SLC3A2: variants seen among roughly 807,000 people sequenced by gnomAD.
The protein encoded by SLC3A2 is solute carrier family 3 member 2, also known as amino acid transporter heavy chain SLC3A2.
In SLC3A2, 32 loss-of-function variants were observed where a neutral mutation model predicts 48.5. The observed-to-expected ratio is 0.66, with a 90% confidence interval of 0.50 to 0.89. The LOEUF is 0.89. Among genes scored for constraint, SLC3A2 ranks in the 40% least tolerant of loss-of-function variants. The pLI is 0.00. For missense variants in SLC3A2, 587 were observed against 680.7 expected, an observed-to-expected ratio of 0.86 and a Z score of 1.53; for synonymous variants, 277 against 288.8, an observed-to-expected ratio of 0.96 and a Z score of 0.41.
intron 1 of SLC3A2, among the ~76,000 whole-genome samples, chr11:62,869,834 G>C (rs1565247161): frequency 6.6e-6 from 1 of 150,578 alleles, no homozygotes; most frequent in Non-Finnish European, 1.5e-5. Context: ...CCAGGTTGGA[G>C]TGCAGTGGCG....
At chr11:62,872,162 G>T (rs2134992184) in intron 1 of SLC3A2, among the ~76,000 whole-genome samples, 1 of 152,162 alleles carries the variant, frequency 6.6e-6, no homozygotes, top group East Asian at 1.9e-4. Context: ...TGATCCGTCT[G>T]CCTGGCCTCC....
At chr11:62,884,327 C>A in intron 3 of SLC3A2, 130 bp from the exon 4 acceptor site, 1 of 932,104 alleles carries the variant, frequency 1.1e-6, no homozygotes, top group South Asian at 1.4e-5. Flanking sequence ...TGGGGAAGAC[C>A]CAGGCAAGGC....
upstream of SLC3A2, among the ~76,000 whole-genome samples, chr11:62,877,086 A>T (rs1446205517): frequency 4.9e-5 from 6 of 121,956 alleles, no homozygotes; most frequent in Admixed American, 9.3e-5. Flanking sequence ...TTTGAGAGAT[A>T]GTCTTGCTGT....
intron 1 of SLC3A2, among the ~76,000 whole-genome samples, chr11:62,858,920 T>C (rs1430441017): frequency 6.6e-6 from 1 of 152,236 alleles, no homozygotes; most frequent in Non-Finnish European, 1.5e-5. Flanking sequence ...TTTTTCCCTA[T>C]CTCAGTAGAT....
In SLC3A2 at chr11:62,857,327, G is replaced by C. The variant is rs561179257; in HGVS notation, c.112+946G>C. On this transcript the variant is annotated intron_variant, in intron 1 of 9. Coordinates refer to the SLC3A2 transcript ENST00000377889. The stretch of plus-strand genomic sequence containing the variant: ...TTTCGGAGAGACGGGGTTTCATCAT[G>C]TTGGCCAGGCTGCTCTCGAACTACT... Among the ~76,000 whole-genome samples the C allele has an allele frequency of 5.9e-5, 9 of 151,860 alleles. No individual in the cohort carries two copies. The East Asian group carries it at 1.8e-3, about 30-fold the overall frequency.
intron 1 of SLC3A2, among the ~76,000 whole-genome samples, chr11:62,859,725 A>G (rs1356870159): frequency 6.6e-6 from 1 of 152,120 alleles, no homozygotes; most frequent in Non-Finnish European, 1.5e-5. Context: ...CCGTGGGCCA[A>G]AGGTGGCCTT....
chr11:62,859,765 G>A (rs2085378056), intron 1 of SLC3A2, among the ~76,000 whole-genome samples: 1 of 152,060 alleles, frequency 6.6e-6, no homozygotes, highest in Non-Finnish European at 1.5e-5. Flanking sequence ...TCTTGTGAGT[G>A]ACATAGAATC....
intron 3 of SLC3A2, 25 bp downstream of exon 3, chr11:62,883,024 T>C (rs1590634546): frequency 1.2e-6 from 2 of 1,604,786 alleles, no homozygotes; most frequent in Admixed American, 1.7e-5. Context: ...TGATGGCTGG[T>C]GGAAGTCAGA....
intron 1 of SLC3A2, among the ~76,000 whole-genome samples, chr11:62,864,436 G>T (rs557324619): frequency 4.6e-5 from 7 of 151,870 alleles, no homozygotes; most frequent in African/African-American, 2.4e-5. Flanking sequence ...CTATAGGCGC[G>T]CACCAGCACG....
intron 3 of SLC3A2, chr11:62,883,970 G>A (rs1022846470): frequency 2.2e-6 from 1 of 456,508 alleles, no homozygotes; most frequent in East Asian, 6.9e-5. Context: ...AGCAGTTATT[G>A]TACTCACACC....
rs200640067 is a variant in SLC3A2 at position 62,884,614 on chromosome 11, C to G, written c.760-18C>G. 1.9e-6 allele frequency: 3 copies of G among 1,611,392 alleles called. 1 individual carries two copies. The highest frequency in any genetic ancestry group is 2.2e-5 in the South Asian group (2 of 90,994). ...TCATAATATTCTCTGGTCCTTGATTCTGCTTTTTTCTTTCTAGGATGCATC... is the reference window on the plus strand; with the variant it reads ...TCATAATATTCTCTGGTCCTTGATTGTGCTTTTTTCTTTCTAGGATGCATC... On this transcript the variant is annotated intron_variant, in intron 4 of 8. Coordinates refer to ENST00000338663, the MANE Select transcript of SLC3A2 (RefSeq NM_001013251.3).
chr11:62,881,883 C>T lies in SLC3A2; in HGVS notation c.425-10C>T. The T allele has an allele frequency of 6.2e-7, 1 of 1,613,000 alleles. No homozygotes were observed. Among genetic ancestry groups the T allele is most frequent in the Non-Finnish European group, 8.5e-7 (1 of 1,179,310 alleles). On this transcript the variant is annotated splice_polypyrimidine_tract_variant and intron_variant, in intron 1 of 8. Coordinates refer to ENST00000338663, the MANE Select transcript of SLC3A2 (RefSeq NM_001013251.3). This position sits in a 1 kb window ranked among gnomAD's most constrained non-coding sequence, Gnocchi z 4.0. Reference sequence around the variant, plus strand: ...AGGGGCCTCACTTGTTAACCCAGCCCCCATTTCAGGTCTGAAGGGGCGTCT... The same window carrying T: ...AGGGGCCTCACTTGTTAACCCAGCCTCCATTTCAGGTCTGAAGGGGCGTCT...
intron 1 of SLC3A2, among the ~76,000 whole-genome samples, chr11:62,861,377 C>T (rs560727406): frequency 6.6e-6 from 1 of 152,192 alleles, no homozygotes; most frequent in African/African-American, 2.4e-5. Flanking sequence ...CACAAGCAAT[C>T]CTCTGGGCTG....
At chr11:62,859,359 G>T (rs2085373568) in intron 1 of SLC3A2, among the ~76,000 whole-genome samples, 1 of 152,136 alleles carries the variant, frequency 6.6e-6, no homozygotes, top group Admixed American at 6.5e-5. Flanking sequence ...TGGGGGTAAG[G>T]TCACAGAATC....
At chr11:62,885,053 A>T in intron 5 of SLC3A2, 124 bp from the exon 6 acceptor site, 1 of 1,025,748 alleles carries the variant, frequency 9.7e-7, no homozygotes, top group Non-Finnish European at 1.4e-6. Flanking sequence ...CCAGTCTCGA[A>T]CTCCTGACCT....
chr11:62,869,843 C>T (rs1324693458), intron 1 of SLC3A2, among the ~76,000 whole-genome samples: 9 of 149,490 alleles, frequency 6.0e-5, no homozygotes, highest in Admixed American at 1.3e-4. Flanking sequence ...AGTGCAGTGG[C>T]GCGATCTCGG....
In SLC3A2 at chr11:62,888,678, C is replaced by G; in HGVS notation, c.1575C>G (p.Phe525Leu). Residue 525 changes from phenylalanine (F) to leucine (L), a missense_variant, in exon 9 of 9, where the codon TTC (phenylalanine) becomes TTG (leucine). Physicochemically the swap from Phe to Leu is conservative, Grantham distance 22. This residue lies in a region of SLC3A2 where 169 missense variants were observed against 204.4 expected (regional missense o/e 0.83). Transcript: ENST00000338663. ...LEPHEGLLLR[F>L]PYAA ...CTCACGAAGGGCTGCTGCTCCGCTTCCCCTACGCGGCCTGACTTCAGCCTG... is the reference window on the plus strand; with the variant it reads ...CTCACGAAGGGCTGCTGCTCCGCTTGCCCTACGCGGCCTGACTTCAGCCTG... 6.3e-7 allele frequency: 1 copy of G among 1,594,198 alleles called. No individual in the cohort carries two copies. The highest frequency in any genetic ancestry group is 8.5e-7 in the Non-Finnish European group (1 of 1,174,594).
chr11:62,884,422 C>T, intron 3 of SLC3A2, 35 bp from the exon 4 acceptor site: 4 of 1,612,436 alleles, frequency 2.5e-6, no homozygotes, highest in South Asian at 1.1e-5. Flanking sequence ...TTCCTGAGAA[C>T]TGATGTCTGT....
Position 62,863,447 on chromosome 11 carries a change from C to T in SLC3A2, c.112+7066C>T, listed in dbSNP as rs149383027. Among the ~76,000 whole-genome samples, 1,247 of 152,214 alleles carry T rather than the reference C, an allele frequency of 8.2e-3. 19 individuals carry two copies. The highest frequency in any genetic ancestry group is 0.029 in the African/African-American group (1,200 of 41,520). Reference sequence around the variant, plus strand: ...ATGGTGCCTAGGCGGGTCTCCAACTCCTGGGCTCAAGCGACCAAATTGCTG... The same window carrying T: ...ATGGTGCCTAGGCGGGTCTCCAACTTCTGGGCTCAAGCGACCAAATTGCTG... On this transcript the variant is annotated intron_variant, in intron 1 of 9. Transcript: ENST00000377889.
Sources: allele counts gnomAD v4.1 joint callset (sites outside exome capture counted in the v4.1 genomes callset), GRCh38; gene constraint gnomAD v4.1.1; regional missense constraint gnomAD v4.1.1; non-coding constraint Gnocchi (gnomAD v3.1); transcripts MANE v1.5; gene names NCBI Gene and HGNC (gene_info 2026-07-23, HGNC 2026-07-21).